Variants in CCNYL1 observed in about 807,000 individuals in gnomAD.
CCNYL1 encodes cyclin Y like 1.
CCNYL1 carries 16 observed loss-of-function variants against 44.2 expected under a neutral mutation model. That is an observed-to-expected ratio of 0.36 (90% CI 0.25 to 0.55). The LOEUF (loss-of-function observed/expected upper bound fraction) is 0.55, where lower values mean the gene tolerates loss of function less well. Among genes scored for constraint, CCNYL1 ranks in the 20% least tolerant of loss-of-function variants. CCNYL1 has a pLI of 0.85. For synonymous variants in CCNYL1, 159 were observed against 163.2 expected, an observed-to-expected ratio of 0.97 and a Z score of 0.20; for missense variants, 348 against 451.8, an observed-to-expected ratio of 0.77 and a Z score of 2.08.
At chr2:207,729,635 C>G (rs1401473916) in intron 3 of CCNYL1, among the ~76,000 whole-genome samples, 2 of 152,022 alleles carry the variant, frequency 1.3e-5, no homozygotes, top group East Asian at 3.9e-4. Context: ...CTTGTCTTTT[C>G]TCTCTTCTTT....
At chr2:207,750,074 A>C (rs1490863454) in intron 8 of CCNYL1, among the ~76,000 whole-genome samples, 1 of 152,092 alleles carries the variant, frequency 6.6e-6, no homozygotes, top group Non-Finnish European at 1.5e-5. Flanking sequence ...TTCCTCTCCC[A>C]TTGCATTCAG....
intron 5 of CCNYL1, 30 bp downstream of exon 5, chr2:207,737,476 T>A (rs1257468369): frequency 1.3e-6 from 2 of 1,575,464 alleles, no homozygotes; most frequent in Non-Finnish European, 1.7e-6. Context: ...GTCTTGTTAT[T>A]CCAGCTAATT....
rs568381804 is a variant in CCNYL1, at chr2:207,723,477, T to C, written c.221-1323T>C. ...GACCACTAAATCGCTTTTTTAAAAG[T>C]AGAGCAATTATATTAATATGTAGTT... On this transcript the variant is annotated intron_variant, in intron 1 of 9. Coordinates refer to ENST00000295414, the MANE Select transcript of CCNYL1 (RefSeq NM_001330218.2). Among the ~76,000 whole-genome samples the C allele has an allele frequency of 5.9e-5, 9 of 152,310 alleles. No homozygotes were observed. In the South Asian group the frequency reaches 1.7e-3, roughly 28 times the overall value.
chr2:207,741,845 CAAAA>C (rs556032064), intron 6 of CCNYL1, among the ~76,000 whole-genome samples: 1 of 112,470 alleles, frequency 8.9e-6, no homozygotes, highest in African/African-American at 3.3e-5. Context: ...GACTGGGTCT[CAAAA>C]AAAAAAAAAA....
intron 3 of CCNYL1, among the ~76,000 whole-genome samples, chr2:207,731,842 C>T (rs966593266): frequency 7.3e-6 from 1 of 136,148 alleles, no homozygotes; most frequent in South Asian, 2.3e-4. Flanking sequence ...CCAAGTCTCG[C>T]TCTGTCACCC....
At chr2:207,751,375 T>C (rs1286715846) in intron 9 of CCNYL1, among the ~76,000 whole-genome samples, 1 of 152,238 alleles carries the variant, frequency 6.6e-6, no homozygotes, top group African/African-American at 2.4e-5. Flanking sequence ...TTTAATCTGT[T>C]GTTAATGAGG....
rs537860682 is a variant in CCNYL1 at position 207,755,862 on chromosome 2, A to C, written c.*2164A>C. 7 of 152,310 alleles carry C rather than the reference A, an allele frequency of 4.6e-5. No homozygotes were observed. Among genetic ancestry groups the C allele is most frequent in the Non-Finnish European group, 7.4e-5 (5 of 68,014 alleles). The allele number at this position is 152,310 out of a possible 1,614,324, so 9.4% of individuals were successfully genotyped here. On this transcript the variant is annotated 3_prime_UTR_variant, in exon 10 of 10. Coordinates refer to ENST00000295414, the MANE Select transcript of CCNYL1 (RefSeq NM_001330218.2). ...GAAATCTGTTTCTCCTACTTTCTCA[A>C]ATCTAATCCTAGGAATCTTGCTTAT...
rs184254928 is a variant in CCNYL1 at position 207,715,696 on chromosome 2, G to A, written c.220+3580G>A. On this transcript the variant is annotated intron_variant, in intron 1 of 9. Coordinates refer to ENST00000295414, the MANE Select transcript of CCNYL1 (RefSeq NM_001330218.2). ...CGCCTGGCCTTTTTTTTTTTTTTGAGATGGAGTTTCGCTCTTGTTGCTCAG... is the reference window on the plus strand; with the variant it reads ...CGCCTGGCCTTTTTTTTTTTTTTGAAATGGAGTTTCGCTCTTGTTGCTCAG... 9.8e-4 allele frequency among the ~76,000 whole-genome samples: 121 copies of A among 124,010 alleles called. 1 individual carries two copies. The East Asian group carries it at 0.025, about 26-fold the overall frequency. 81.4% of individuals were successfully genotyped at this position (124,010 alleles called of 152,430 possible).
chr2:207,722,305 C>T (rs1437503308), intron 1 of CCNYL1, among the ~76,000 whole-genome samples: 2 of 151,978 alleles, frequency 1.3e-5, no homozygotes, highest in Non-Finnish European at 2.9e-5. Context: ...GAACTCCTGA[C>T]CTCATGATCT....
rs148519404 is a variant in CCNYL1 at position 207,719,597 on chromosome 2, G to A, written c.221-5203G>A. ...ATTACAGGTGTGAGCTACTGCGCCC[G>A]GCTTATAGCAATTGCTCTTGCATTT... On this transcript the variant is annotated intron_variant, in intron 1 of 9. Transcript: ENST00000295414. 1.4e-4 allele frequency among the ~76,000 whole-genome samples: 21 copies of A among 152,080 alleles called. No homozygotes were observed. In the East Asian group the frequency reaches 1.5e-3, roughly 11 times the overall value.
chr2:207,742,190 T>C (rs2091817172), intron 6 of CCNYL1, 33 bp from the exon 7 acceptor site: 3 of 1,558,676 alleles, frequency 1.9e-6, no homozygotes, highest in Non-Finnish European at 2.6e-6. Flanking sequence ...TTTTCTTCAG[T>C]GGATACTAAC....
At position 207,740,723 on chromosome 2, in the gene CCNYL1, T is replaced by C; in HGVS notation, c.519+17T>C. 6.4e-7 allele frequency: 1 copy of C among 1,558,718 alleles called. No individual in the cohort carries two copies. The highest frequency in any genetic ancestry group is 1.1e-5 in the South Asian group (1 of 88,868). ...CCACTTACAGTAAGTGTCACTTTTT[T>C]TGAGGTAGTATTTTTCTCTCATAGA... On this transcript the variant is annotated intron_variant, in intron 6 of 9. Coordinates refer to ENST00000295414, the MANE Select transcript of CCNYL1 (RefSeq NM_001330218.2).
intron 3 of CCNYL1, among the ~76,000 whole-genome samples, chr2:207,732,347 G>A (rs1268446656): frequency 2.0e-5 from 3 of 152,058 alleles, no homozygotes; most frequent in Admixed American, 6.6e-5. Flanking sequence ...AGAATATCTG[G>A]GACTTTTTGT....
intron 6 of CCNYL1, 28 bp downstream of exon 6, chr2:207,740,734 T>G: frequency 4.1e-6 from 6 of 1,465,794 alleles, no homozygotes; most frequent in Non-Finnish European, 5.7e-6. Flanking sequence ...TGAGGTAGTA[T>G]TTTTCTCTCA....
At chr2:207,714,777 CAA>C (rs2091580232) in intron 1 of CCNYL1, 1 of 154,074 alleles carries the variant, frequency 6.5e-6, no homozygotes, top group African/African-American at 2.4e-5. Flanking sequence ...CAATTTGTCT[CAA>C]AATTTATTTT....
chr2:207,751,363 A>C (rs1405228294), intron 9 of CCNYL1, among the ~76,000 whole-genome samples: 4 of 152,234 alleles, frequency 2.6e-5, no homozygotes, highest in Non-Finnish European at 5.9e-5. Context: ...TTTTAAATCA[A>C]ATTTAATCTG....
At chr2:207,722,099 G>A (rs1481908727) in intron 1 of CCNYL1, among the ~76,000 whole-genome samples, 4 of 135,618 alleles carry the variant, frequency 2.9e-5, no homozygotes, top group African/African-American at 8.2e-5. Context: ...TTGAGATGTA[G>A]TCTTGCTCTG....
chr2:207,734,034 A>G lies in CCNYL1; in HGVS notation c.418A>G (p.Thr140Ala). ...DSTVSQPNLR[T>A]TVKCVTLAIY... ...CACAGTCAGCCAGCCTAATCTTAGA[A>G]CCACAGTAAAATGGTGAGTACAACT... The change falls in exon 4 of 10, where the codon ACC (threonine) becomes GCC (alanine). Residue 140 changes from threonine (T) to alanine (A), a missense_variant. Physicochemically the swap from Thr to Ala is moderately conservative, Grantham distance 58 (BLOSUM62 0). This residue lies in a region of CCNYL1 where 209 missense variants were observed against 247.7 expected (regional missense o/e 0.84). Coordinates refer to ENST00000295414, the MANE Select transcript of CCNYL1 (RefSeq NM_001330218.2). The G allele has an allele frequency of 6.2e-7, 1 of 1,611,808 alleles. No individual in the cohort carries two copies. The highest frequency in any genetic ancestry group is 8.5e-7 in the Non-Finnish European group (1 of 1,177,956).
chr2:207,733,532 T>C (rs996426121), intron 3 of CCNYL1, among the ~76,000 whole-genome samples: 3 of 152,252 alleles, frequency 2.0e-5, no homozygotes, highest in Non-Finnish European at 4.4e-5. Flanking sequence ...AGTATTAGGC[T>C]TTCATTTACT....
Sources: gnomAD v4.1 joint callset for allele counts (sites outside exome capture counted in the v4.1 genomes callset) on GRCh38, gnomAD v4.1.1 for gene constraint, gnomAD v4.1.1 regional missense constraint, MANE v1.5 for transcripts, NCBI Gene and HGNC (gene_info 2026-07-23, HGNC 2026-07-21) for gene names.